Variants in LRP1B observed in about 807,000 individuals in gnomAD.
The protein encoded by LRP1B is LDL receptor related protein 1B.
Under a neutral mutation model 556.6 loss-of-function variants are expected in LRP1B, and 217 were observed. The ratio of observed to expected loss-of-function variants is 0.39; its 90% CI spans 0.35 to 0.44. LRP1B has a LOEUF of 0.44. LRP1B is among the 20% of genes least tolerant of loss of function. The pLI is 1.00. For missense variants in LRP1B, 5,053 were observed against 5,620.8 expected (o/e 0.90, Z 3.23); for synonymous variants, 2,047 against 1,865.8 (o/e 1.10, Z -2.50).
At chr2:141,503,946 TA>T (rs11331939) in intron 2 of LRP1B, among the ~76,000 whole-genome samples, 126,228 of 151,960 alleles carry the variant, frequency 0.83, 52,763 homozygotes, top group East Asian at 0.97. Flanking sequence ...ACTCCATGTG[TA>T]CACAGGAATA....
intron 11 of LRP1B, among the ~76,000 whole-genome samples, chr2:141,030,737 A>G (rs977699870): frequency 6.6e-6 from 1 of 152,094 alleles, no homozygotes; most frequent in African/African-American, 2.4e-5. Context: ...ATCTAAATAT[A>G]GCATACTATA....
At chr2:141,463,864 T>A (rs1474473190) in intron 3 of LRP1B, among the ~76,000 whole-genome samples, 1 of 108,170 alleles carries the variant, frequency 9.2e-6, no homozygotes, top group Non-Finnish European at 2.1e-5. Context: ...TATATAATTA[T>A]ATATAATATA....
chr2:141,798,417 T>C (rs967311346), intron 2 of LRP1B, among the ~76,000 whole-genome samples: 7 of 152,028 alleles, frequency 4.6e-5, no homozygotes, highest in African/African-American at 1.7e-4. Context: ...TCTTAGAATA[T>C]ATTTTAAAGG....
chr2:141,778,409 A>G (rs1413825505), intron 2 of LRP1B, among the ~76,000 whole-genome samples: 1 of 152,192 alleles, frequency 6.6e-6, no homozygotes, highest in Non-Finnish European at 1.5e-5. Flanking sequence ...AAATAGTCCT[A>G]TTTATGGTAG....
chr2:140,745,354 T>G (rs1688281032), intron 35 of LRP1B, among the ~76,000 whole-genome samples: 1 of 152,140 alleles, frequency 6.6e-6, no homozygotes, highest in African/African-American at 2.4e-5. Context: ...CTCAAATTCT[T>G]TAAAATAAAA....
At chr2:141,194,908 C>CT (rs1423219424) in intron 6 of LRP1B, among the ~76,000 whole-genome samples, 13 of 152,024 alleles carry the variant, frequency 8.6e-5, no homozygotes, top group Non-Finnish European at 1.6e-4. Flanking sequence ...TAATTTATAT[C>CT]TTTTTGACTG....
chr2:140,349,038 C>T (rs1467861713), intron 77 of LRP1B, among the ~76,000 whole-genome samples: 3 of 152,004 alleles, frequency 2.0e-5, no homozygotes, highest in East Asian at 1.9e-4. Context: ...ATAGGGTTTG[C>T]GCTCCTATGA....
chr2:140,742,609 T>C (rs938493276), intron 35 of LRP1B, among the ~76,000 whole-genome samples: 5 of 151,252 alleles, frequency 3.3e-5, no homozygotes, highest in Admixed American at 2.0e-4. Flanking sequence ...CTATTATAAA[T>C]TTTTTTTTAT....
At chr2:140,580,445 C>A (rs925225467) in intron 43 of LRP1B, among the ~76,000 whole-genome samples, 1 of 152,100 alleles carries the variant, frequency 6.6e-6, no homozygotes, top group African/African-American at 2.4e-5. Flanking sequence ...ATCATTTTAA[C>A]CACGAAATAA....
rs59878403 is a variant in LRP1B at position 140,303,012 on chromosome 2, CATATATATATATAT to C, written c.12806-5057_12806-5044del. On this transcript the variant is annotated intron_variant, in intron 83 of 90. Transcript: ENST00000389484. ...ACCAATTCCAATTATAAATCTCCTT[CATATATATATATAT>C]ATATATATATATATATATATATATA... Among the ~76,000 whole-genome samples the C allele has an allele frequency of 9.8e-3, 811 of 82,830 alleles. 20 individuals carry two copies. Among genetic ancestry groups the C allele is most frequent in the African/African-American group, 0.032 (771 of 23,966 alleles). 54.3% of individuals were successfully genotyped at this position (82,830 alleles called of 152,430 possible). A position where few individuals can be genotyped will look rare whatever the true frequency, so the allele number is the denominator to read the frequency against.
intron 5 of LRP1B, among the ~76,000 whole-genome samples, chr2:141,231,850 C>CA (rs911889916): frequency 6.6e-6 from 1 of 151,884 alleles, no homozygotes; most frequent in Non-Finnish European, 1.5e-5. Flanking sequence ...AACAGTAAAA[C>CA]AAAAATAACC....
At chr2:140,823,290 T>G (rs1402273459) in intron 31 of LRP1B, among the ~76,000 whole-genome samples, 1 of 56,880 alleles carries the variant, frequency 1.8e-5, no homozygotes, top group East Asian at 5.9e-4. Context: ...GAACAGTGGC[T>G]CTTCTTAATT....
At chr2:141,484,386 T>A (rs1683038790) in intron 2 of LRP1B, among the ~76,000 whole-genome samples, 2 of 149,876 alleles carry the variant, frequency 1.3e-5, no homozygotes, top group East Asian at 4.1e-4. Context: ...TAGTTTGAAG[T>A]CAGGTAGCAT....
intron 2 of LRP1B, among the ~76,000 whole-genome samples, chr2:141,693,289 A>T (rs7563507): frequency 0.36 from 54,618 of 151,860 alleles, 10,645 homozygotes; most frequent in East Asian, 0.58. Flanking sequence ...TAAATCACAA[A>T]GTGGGCATCA....
intron 35 of LRP1B, among the ~76,000 whole-genome samples, chr2:140,743,641 G>A (rs1312261338): frequency 6.6e-6 from 1 of 152,090 alleles, no homozygotes; most frequent in Non-Finnish European, 1.5e-5. Flanking sequence ...CATGTATTAA[G>A]TGTTAGCTGT....
intron 1 of LRP1B, among the ~76,000 whole-genome samples, chr2:141,814,737 A>G (rs897832079): frequency 2.6e-5 from 4 of 152,218 alleles, no homozygotes; most frequent in African/African-American, 9.6e-5. Flanking sequence ...TGAAATATTT[A>G]AGTCTGTAAT....
chr2:140,521,146 AT>A (rs1475826065), intron 49 of LRP1B, among the ~76,000 whole-genome samples: 3 of 152,094 alleles, frequency 2.0e-5, no homozygotes, highest in African/African-American at 7.2e-5. Context: ...ATTCATGAAA[AT>A]ATCCCCAATC....
chr2:140,571,543 T>C (rs910643238), intron 43 of LRP1B, among the ~76,000 whole-genome samples: 1 of 151,856 alleles, frequency 6.6e-6, no homozygotes, highest in Non-Finnish European at 1.5e-5. Context: ...CCCATGTCTA[T>C]GGTTTAGATG....
chr2:141,214,929 C>T (rs910423380), intron 6 of LRP1B, among the ~76,000 whole-genome samples: 6 of 152,148 alleles, frequency 3.9e-5, no homozygotes, highest in African/African-American at 1.4e-4. Context: ...AGCCACCCTT[C>T]CTTGTTTATG....
Sources: allele counts gnomAD v4.1 joint callset (sites outside exome capture counted in the v4.1 genomes callset), GRCh38; gene constraint gnomAD v4.1.1; transcripts MANE v1.5; gene names NCBI Gene and HGNC (gene_info 2026-07-23, HGNC 2026-07-21).